Variants in CEP128 observed in about 807,000 individuals in gnomAD.
The protein encoded by CEP128 is centrosomal protein 128kDa.
In CEP128, 132 loss-of-function variants were observed where a neutral mutation model predicts 156.7. The observed-to-expected ratio is 0.84, with a 90% CI of 0.73 to 0.97. CEP128 has a LOEUF of 0.97. Among genes scored for constraint, CEP128 ranks in the 50% least tolerant of loss-of-function variants. The pLI is 0.00. For missense variants in CEP128, 1,252 were observed against 1,281.9 expected (o/e 0.98, Z 0.36); for synonymous variants, 469 against 448.9 (o/e 1.04, Z -0.57).
At chr14:80,918,380 GA>G (rs2139515854) in intron 2 of CEP128, among the ~76,000 whole-genome samples, 1 of 152,214 alleles carries the variant, frequency 6.6e-6, no homozygotes, top group East Asian at 1.9e-4. Context: ...GTGAAAGCAG[GA>G]AAAATCAACA....
At chr14:80,937,615 G>GT (rs1885883378) in intron 2 of CEP128, among the ~76,000 whole-genome samples, 1 of 152,058 alleles carries the variant, frequency 6.6e-6, no homozygotes, top group East Asian at 1.9e-4. Context: ...GGGATACTAT[G>GT]TATCTGCTAA....
intron 15 of CEP128, among the ~76,000 whole-genome samples, chr14:80,784,087 C>A (rs1021619478): frequency 2.0e-5 from 3 of 152,012 alleles, no homozygotes; most frequent in African/African-American, 7.2e-5. Context: ...TAATAATTAA[C>A]CTTCAAAGAT....
chr14:80,798,384 T>C (rs533348020), intron 13 of CEP128, among the ~76,000 whole-genome samples: 1 of 152,294 alleles, frequency 6.6e-6, no homozygotes, highest in African/African-American at 2.4e-5. Context: ...TGAAGTCCAG[T>C]GGAAACTAAG....
chr14:80,701,627 G>C (rs1467080641), intron 19 of CEP128, among the ~76,000 whole-genome samples: 3 of 152,134 alleles, frequency 2.0e-5, no homozygotes, highest in Non-Finnish European at 4.4e-5. Context: ...CAGACTAAAA[G>C]GGACCGCTTG....
chr14:80,858,410 G>A (rs1255931526), intron 9 of CEP128, among the ~76,000 whole-genome samples: 1 of 123,346 alleles, frequency 8.1e-6, no homozygotes, highest in Non-Finnish European at 1.7e-5. Context: ...ATGGATTAAA[G>A]ACTTAAACGT....
downstream of CEP128, among the ~76,000 whole-genome samples, chr14:80,487,819 T>G (rs1887202638): frequency 6.6e-6 from 1 of 152,044 alleles, no homozygotes; most frequent in African/African-American, 2.4e-5. Context: ...AGATGTTTTT[T>G]GAAACCAACA....
rs553175979 is a variant in CEP128, at chr14:80,818,356, A to T, written c.1209+12787T>A. ...ATATCCAGCAAAACTATCCTTTAAA[A>T]ATAAAGCTGAAATAAAGACATGCAC... On this transcript the variant is annotated intron_variant, in intron 13 of 24. Transcript: ENST00000555265. Among the ~76,000 whole-genome samples the T allele has an allele frequency of 4.6e-5, 7 of 152,362 alleles. No individual in the cohort carries two copies. In the East Asian group the frequency reaches 1.3e-3, roughly 29 times the overall value.
At chr14:80,515,075 C>A (rs1371887491) in intron 23 of CEP128, among the ~76,000 whole-genome samples, 3 of 152,134 alleles carry the variant, frequency 2.0e-5, no homozygotes, top group African/African-American at 7.2e-5. Flanking sequence ...CTAATTTCTG[C>A]CAAATGAATG....
At chr14:80,618,701 A>T (rs1170087823) in intron 19 of CEP128, among the ~76,000 whole-genome samples, 1 of 152,226 alleles carries the variant, frequency 6.6e-6, no homozygotes, top group African/African-American at 2.4e-5. Flanking sequence ...ATTTTGAATG[A>T]GACAGGACAC....
chr14:80,922,797 G>A (rs1249284280), intron 2 of CEP128, among the ~76,000 whole-genome samples: 1 of 152,128 alleles, frequency 6.6e-6, no homozygotes, highest in Non-Finnish European at 1.5e-5. Flanking sequence ...ATTGCTGAAA[G>A]AAAAGGAAGA....
chr14:80,775,021 A>G (rs73342549), intron 16 of CEP128, among the ~76,000 whole-genome samples: 3 of 152,208 alleles, frequency 2.0e-5, no homozygotes, highest in East Asian at 3.8e-4. Context: ...ATATATGCCA[A>G]TTGGTTGACT....
chr14:80,647,374 G>T (rs563781683), intron 19 of CEP128, among the ~76,000 whole-genome samples: 2 of 151,574 alleles, frequency 1.3e-5, no homozygotes, highest in African/African-American at 4.8e-5. Context: ...CTTGCATTCT[G>T]TTCAGTACTT....
At chr14:80,485,730 G>A (rs1398999181), downstream of CEP128, among the ~76,000 whole-genome samples, 1 of 152,170 alleles carries the variant, frequency 6.6e-6, no homozygotes, top group Non-Finnish European at 1.5e-5. Flanking sequence ...ATAGATGATT[G>A]AATTAAGGGA....
intron 21 of CEP128, among the ~76,000 whole-genome samples, chr14:80,544,167 T>C (rs1452511695): frequency 6.6e-6 from 1 of 152,188 alleles, no homozygotes; most frequent in Non-Finnish European, 1.5e-5. Context: ...GGTTTCTGAA[T>C]GAAAATAGGT....
chr14:80,756,756 C>T, intron 18 of CEP128, 136 bp downstream of exon 18: 1 of 628,576 alleles, frequency 1.6e-6, no homozygotes, highest in Non-Finnish European at 2.8e-6. Context: ...AAGTGGACTG[C>T]AGTGATATCT....
At chr14:80,682,045 A>G (rs912349295) in intron 19 of CEP128, among the ~76,000 whole-genome samples, 1 of 152,064 alleles carries the variant, frequency 6.6e-6, no homozygotes, top group African/African-American at 2.4e-5. Flanking sequence ...GAGATCAAAC[A>G]CACAGTTAGC....
intron 19 of CEP128, among the ~76,000 whole-genome samples, chr14:80,732,983 T>G (rs1364398669): frequency 6.6e-6 from 1 of 152,046 alleles, no homozygotes; most frequent in East Asian, 1.9e-4. Context: ...AGATATTTGG[T>G]TAAAATTTGG....
At chr14:80,654,632 A>C (rs2140867077) in intron 19 of CEP128, among the ~76,000 whole-genome samples, 1 of 152,268 alleles carries the variant, frequency 6.6e-6, no homozygotes, top group Non-Finnish European at 1.5e-5. Flanking sequence ...CTAACTGCCA[A>C]GTGCAATGTC....
At chr14:80,881,375 G>A (rs935754486) in intron 8 of CEP128, among the ~76,000 whole-genome samples, 1 of 152,122 alleles carries the variant, frequency 6.6e-6, no homozygotes, top group Non-Finnish European at 1.5e-5. Flanking sequence ...ATTGAACCAT[G>A]AGAAAATCCA....
Sources: allele counts gnomAD v4.1 joint callset (sites outside exome capture counted in the v4.1 genomes callset), GRCh38; gene constraint gnomAD v4.1.1; transcripts MANE v1.5; gene names NCBI Gene and HGNC (gene_info 2026-07-23, HGNC 2026-07-21).